The following BAZ1B variants were observed in gnomAD, a reference collection of about 807,000 sequenced individuals.
The protein encoded by BAZ1B is tyrosine-protein kinase BAZ1B.
BAZ1B carries 22 observed loss-of-function variants against 153.8 expected under a neutral mutation model. The observed-to-expected ratio is 0.14, with a 90% CI of 0.10 to 0.20. The LOEUF is 0.20. BAZ1B is among the 10% of genes least tolerant of loss of function. The pLI is 1.00. For missense variants in BAZ1B, 1,325 were observed against 1,799.3 expected (o/e 0.74, Z 4.77); for synonymous variants, 676 against 633.4 (o/e 1.07, Z -1.01).
intron 9 of BAZ1B, among the ~76,000 whole-genome samples, chr7:73,466,741 T>C (rs1246155028): frequency 6.6e-6 from 1 of 152,192 alleles, no homozygotes; most frequent in Non-Finnish European, 1.5e-5. Flanking sequence ...AAGGCATCTG[T>C]AGTGAAGCAG....
intron 7 of BAZ1B, among the ~76,000 whole-genome samples, chr7:73,471,692 A>C (rs1554572022): frequency 6.6e-6 from 1 of 152,150 alleles, no homozygotes; most frequent in Non-Finnish European, 1.5e-5. Flanking sequence ...AATAACATCT[A>C]CAATAAGATG....
At chr7:73,451,936 T>C (rs1472849332) in intron 13 of BAZ1B, among the ~76,000 whole-genome samples, 1 of 152,204 alleles carries the variant, frequency 6.6e-6, no homozygotes, top group African/African-American at 2.4e-5. Context: ...TTAAAAGTGC[T>C]TGAGAACTGG....
chr7:73,444,517 C>G (rs1285155878), intron 16 of BAZ1B, among the ~76,000 whole-genome samples: 1 of 152,162 alleles, frequency 6.6e-6, no homozygotes, highest in East Asian at 1.9e-4. Context: ...TCAGCCTGAG[C>G]GAGTGGATGT....
chr7:73,494,624 G>A (rs1789802012), intron 4 of BAZ1B, among the ~76,000 whole-genome samples: 2 of 151,032 alleles, frequency 1.3e-5, no homozygotes, highest in Admixed American at 6.6e-5. Flanking sequence ...TGATGCACAC[G>A]TGTGGTCCCA....
intron 6 of BAZ1B, among the ~76,000 whole-genome samples, chr7:73,481,448 T>G (rs1487943967): frequency 7.8e-6 from 1 of 128,810 alleles, no homozygotes; most frequent in East Asian, 2.3e-4. Flanking sequence ...ACCTGGGAGG[T>G]GGAGCTAGCA....
chr7:73,462,256 A>T (rs1554570501), intron 12 of BAZ1B, among the ~76,000 whole-genome samples: 1 of 152,214 alleles, frequency 6.6e-6, no homozygotes, highest in Non-Finnish European at 1.5e-5. Flanking sequence ...AAAAAAAGAC[A>T]AAACATCATA....
At chr7:73,464,529 T>C (rs1486526919) in intron 11 of BAZ1B, among the ~76,000 whole-genome samples, 1 of 152,168 alleles carries the variant, frequency 6.6e-6, no homozygotes, top group East Asian at 1.9e-4. Flanking sequence ...ACTAATCCAC[T>C]TTCTGTTTGA....
chr7:73,444,543 G>A (rs1787753653), intron 16 of BAZ1B, among the ~76,000 whole-genome samples: 1 of 152,212 alleles, frequency 6.6e-6, no homozygotes, highest in South Asian at 2.1e-4. Flanking sequence ...CATGTAAGAT[G>A]GAACTGGATT....
intron 6 of BAZ1B, among the ~76,000 whole-genome samples, chr7:73,482,185 T>C (rs1789228889): frequency 6.6e-6 from 1 of 152,244 alleles, no homozygotes; most frequent in African/African-American, 2.4e-5. Flanking sequence ...TTTCCCTAGA[T>C]GCAGAATTTC....
At position 73,443,413 on chromosome 7, in the gene BAZ1B, G is replaced by A. The variant is rs1416576976; in HGVS notation, c.3990+571C>T. Among the ~76,000 whole-genome samples the A allele has an allele frequency of 4.6e-5, 7 of 152,166 alleles. 1 individual carries two copies. The South Asian group carries it at 1.2e-3, about 27-fold the overall frequency. On this transcript the variant is annotated intron_variant, in intron 17 of 19. Coordinates refer to ENST00000339594, the MANE Select transcript of BAZ1B (RefSeq NM_032408.4). ...GCTGTGATTCACAGCAGAGGCCACA[G>A]AGCCCAAGGCTGTGGCAAACCGAGC...
intron 6 of BAZ1B, among the ~76,000 whole-genome samples, chr7:73,480,988 G>A (rs567305134): frequency 3.3e-5 from 5 of 152,124 alleles, no homozygotes; most frequent in South Asian, 2.1e-4. Flanking sequence ...GTGCAGTAGC[G>A]CAATCCTGGC....
At chr7:73,448,967 G>A (rs1168825158) in intron 15 of BAZ1B, among the ~76,000 whole-genome samples, 3 of 152,190 alleles carry the variant, frequency 2.0e-5, no homozygotes, top group Non-Finnish European at 4.4e-5. Flanking sequence ...GAGGAGTTGA[G>A]AAGCCACCAA....
Position 73,478,520 on chromosome 7 carries a change from T to G in BAZ1B, c.941A>C (p.Asp314Ala), listed in dbSNP as rs782219660. ...STKRKNTGSP[D>A]RKPSKKSKTD... ...CTTGGATTTCTTTGAGGGCTTCCTG[T>G]CTGGGGATCCAGTATTCTTCCTCTT... The change falls in exon 7 of 20, where the codon GAC (aspartate) becomes GCC (alanine). Residue 314 changes from aspartate to alanine, a missense_variant. Asp to Ala is a moderately radical substitution (Grantham distance 126). Around this residue, in one of 9 missense-constraint regions of BAZ1B, gnomAD observed 219 missense variants for 248.2 expected, o/e 0.88. Transcript: ENST00000339594. The G allele has an allele frequency of 3.0e-5, 48 of 1,581,716 alleles. No homozygotes were observed. Among genetic ancestry groups the G allele is most frequent in the Admixed American group, 3.0e-4 (16 of 53,130 alleles).
At position 73,442,213 on chromosome 7, in the gene BAZ1B, G is replaced by C; in HGVS notation, c.4435C>G (p.Arg1479Gly). Residue 1479 changes from arginine (R) to glycine (G), a missense_variant, in exon 19 of 20, where the codon CGA becomes GGA. Coordinates refer to ENST00000339594, the MANE Select transcript of BAZ1B (RefSeq NM_032408.4). ...CTGCCTCTCTACTTCTTCTGTCTTC[G>C]TCCCCTGGACTGTCCAACGGCCTCT... ...EPEAVGQSRG[R>G]RQKK is the part of the protein sequence containing the mutation. The C allele has an allele frequency of 6.5e-7, 1 of 1,540,500 alleles. No homozygotes were observed. The highest frequency in any genetic ancestry group is 1.1e-5 in the South Asian group (1 of 89,818).
chr7:73,518,168 G>A (rs1353500166), intron 1 of BAZ1B, among the ~76,000 whole-genome samples: 1 of 151,858 alleles, frequency 6.6e-6, no homozygotes, highest in South Asian at 2.1e-4. Context: ...ATGGGAGGCC[G>A]AGGCGGGCGG....
chr7:73,463,087 A>G lies in BAZ1B; in HGVS notation c.3084T>C (p.Ile1028=), dbSNP rs1199179065. The G allele has an allele frequency of 1.9e-6, 3 of 1,612,970 alleles. No individual in the cohort carries two copies. The highest frequency in any genetic ancestry group is 2.5e-6 in the Non-Finnish European group (3 of 1,179,634). Residue 1028 remains isoleucine (I), a synonymous_variant, in exon 12 of 20, where the codon ATT becomes ATC. Transcript: ENST00000339594. ...KERLEKRYQD[I]IHSIHLARKP... is the part of the protein sequence containing the mutation. ...TCCGTGCTAGATGAATAGAGTGAATAATGTCCTGGTACCTAGAAGATTTGG... is the reference window on the plus strand; with the variant it reads ...TCCGTGCTAGATGAATAGAGTGAATGATGTCCTGGTACCTAGAAGATTTGG...
At chr7:73,442,151 C>CCCTCTT in intron 19 of BAZ1B, 30 bp downstream of exon 19, 2 of 942,546 alleles carry the variant, frequency 2.1e-6, no homozygotes, top group Non-Finnish European at 3.3e-6. Context: ...CCCACCCTCC[C>CCCTCTT]TAGCTGTCCC....
intron 3 of BAZ1B, among the ~76,000 whole-genome samples, chr7:73,499,831 C>G (rs566741260): frequency 6.6e-6 from 1 of 152,196 alleles, no homozygotes; most frequent in African/African-American, 2.4e-5. Flanking sequence ...TCCTCTGATA[C>G]TTACATAGCC....
At chr7:73,491,171 A>G (rs1789625836) in intron 5 of BAZ1B, among the ~76,000 whole-genome samples, 1 of 152,040 alleles carries the variant, frequency 6.6e-6, no homozygotes, top group Admixed American at 6.6e-5. Flanking sequence ...CTGTAATCCC[A>G]GCTACTTGTG....
Sources: allele counts gnomAD v4.1 joint callset (sites outside exome capture counted in the v4.1 genomes callset), GRCh38; gene constraint gnomAD v4.1.1; regional missense constraint gnomAD v4.1.1; transcripts MANE v1.5; gene names NCBI Gene and HGNC (gene_info 2026-07-23, HGNC 2026-07-21).